TEX11: variants seen among roughly 807,000 people sequenced by gnomAD.
TEX11 encodes testis-expressed protein 11.
In TEX11, 7 loss-of-function variants were observed where a neutral mutation model predicts 84.4. The ratio of observed to expected loss-of-function variants is 0.08; its 90% CI spans 0.05 to 0.16. The LOEUF (loss-of-function observed/expected upper bound fraction) is 0.16, where lower values mean the gene tolerates loss of function less well. Among genes scored for constraint, TEX11 ranks in the 10% least tolerant of loss-of-function variants. The pLI is 1.00. For missense variants in TEX11, 551 were observed against 660.5 expected (o/e 0.83, Z 1.82); for synonymous variants, 264 against 222.8 (o/e 1.18, Z -1.64).
At chrX:70,675,514 T>C (rs1163997784) in intron 15 of TEX11, among the ~76,000 whole-genome samples, 1 of 111,131 alleles carries the variant, frequency 9.0e-6, no homozygotes, top group African/African-American at 3.3e-5. Flanking sequence ...CCCCTCCTCC[T>C]AGCCCCTGGA....
chrX:70,737,634 TCAACAGAAA>T (rs753057508), intron 11 of TEX11, among the ~76,000 whole-genome samples: 2 of 110,124 alleles, frequency 1.8e-5, no homozygotes, highest in African/African-American at 6.6e-5. Flanking sequence ...ACCATATTTC[TCAACAGAAA>T]CAACAGAATG....
At chrX:70,825,370 T>TA (rs1046691377) in intron 8 of TEX11, among the ~76,000 whole-genome samples, 2 of 108,426 alleles carry the variant, frequency 1.8e-5, no homozygotes, top group Non-Finnish European at 3.8e-5. Flanking sequence ...TATTGTTCAA[T>TA]AAAAAACTAC....
chrX:70,890,647 G>A (rs1283282275), intron 2 of TEX11, among the ~76,000 whole-genome samples: 1 of 112,414 alleles, frequency 8.9e-6, no homozygotes. Context: ...CAGCCTAGCA[G>A]GGGGAGGGGG....
rs888221111 is a variant in TEX11 at position 70,650,844 on chromosome X, T to A, written c.1483+606A>T. On this transcript the variant is annotated intron_variant, in intron 17 of 29. Transcript: ENST00000374333. The stretch of plus-strand genomic sequence containing the variant: ...TACCTGAGGGCTGAAGGCATTAATA[T>A]CTGAGCAAAGGCATATCTATAACCA... Among the ~76,000 whole-genome samples the A allele has an allele frequency of 5.7e-4, 64 of 112,202 alleles. 1 individual carries two copies. The highest frequency in any genetic ancestry group is 4.7e-3 in the Middle Eastern group (1 of 215).
At chrX:70,586,210 CA>C (rs1410042361) in intron 25 of TEX11, among the ~76,000 whole-genome samples, 2 of 112,193 alleles carry the variant, frequency 1.8e-5, no homozygotes, top group African/African-American at 6.5e-5. Flanking sequence ...AAGCTAAAAC[CA>C]TAAAACTCTT....
intron 24 of TEX11, among the ~76,000 whole-genome samples, chrX:70,599,294 C>A (rs1826223201): frequency 8.9e-6 from 1 of 112,286 alleles, no homozygotes; most frequent in Non-Finnish European, 1.9e-5. Context: ...TTACCCACTC[C>A]TGCTCTAGGA....
intron 13 of TEX11, among the ~76,000 whole-genome samples, chrX:70,693,589 G>C (rs2090254740): frequency 9.0e-6 from 1 of 111,429 alleles, no homozygotes; most frequent in Non-Finnish European, 1.9e-5. Context: ...GTAGAATGGT[G>C]GTCACCAAGG....
In TEX11 at chrX:70,722,659, G is replaced by A. The variant is rs1414683773; in HGVS notation, c.963C>T (p.Asp321=). The change falls in exon 13 of 30, where the codon GAC becomes GAT. Residue 321 remains aspartate (D), a synonymous_variant. Coordinates refer to ENST00000374333, the MANE Select transcript of TEX11 (RefSeq NM_031276.3). ...GCAGTTTAGCAATGTTCAGACAGAA[G>A]TCTAAGGGCATGTCAAGATGTAGTA... ...MEILHLDMPL[D]FCLNIAKLLM... is the part of the protein sequence containing the mutation. 8.3e-7 allele frequency: 1 copy of A among 1,205,076 alleles called. No individual in the cohort carries two copies.
At chrX:70,845,043 A>G (rs1401669389) in intron 7 of TEX11, among the ~76,000 whole-genome samples, 1 of 112,356 alleles carries the variant, frequency 8.9e-6, no homozygotes, top group Non-Finnish European at 1.9e-5. Flanking sequence ...CTGGCAAAAA[A>G]TACTGTCAAT....
At chrX:70,794,675 A>G (rs1212440280) in intron 9 of TEX11, among the ~76,000 whole-genome samples, 1 of 109,843 alleles carries the variant, frequency 9.1e-6, no homozygotes, top group Non-Finnish European at 1.9e-5. Flanking sequence ...TGAGACACCC[A>G]TTCCAAGCCC....
intron 9 of TEX11, among the ~76,000 whole-genome samples, chrX:70,758,217 T>C (rs968898272): frequency 1.8e-5 from 2 of 111,522 alleles, no homozygotes; most frequent in African/African-American, 6.5e-5. Context: ...CAGATCAACA[T>C]GACAGAAAGT....
chrX:70,727,756 ATCTC>A (rs1008849994), intron 11 of TEX11, among the ~76,000 whole-genome samples: 6 of 107,949 alleles, frequency 5.6e-5, no homozygotes, highest in African/African-American at 1.7e-4. Context: ...ATGAGAGATG[ATCTC>A]TCTCTCTCTC....
At chrX:70,593,600 A>G (rs942509726) in intron 24 of TEX11, among the ~76,000 whole-genome samples, 7 of 112,269 alleles carry the variant, frequency 6.2e-5, no homozygotes, top group Admixed American at 2.8e-4. Context: ...TATTTTAAAT[A>G]TATTCAAATA....
intron 26 of TEX11, among the ~76,000 whole-genome samples, chrX:70,553,827 T>A (rs1278661797): frequency 8.9e-6 from 1 of 111,799 alleles, no homozygotes; most frequent in Non-Finnish European, 1.9e-5. Context: ...ATACTAAAAA[T>A]AGGAAACACT....
At chrX:70,671,569 A>G (rs1383404226) in intron 15 of TEX11, among the ~76,000 whole-genome samples, 1 of 110,393 alleles carries the variant, frequency 9.1e-6, no homozygotes, top group Non-Finnish European at 1.9e-5. Flanking sequence ...AAGAATCAAT[A>G]GAAGAATGGG....
intron 9 of TEX11, among the ~76,000 whole-genome samples, chrX:70,794,028 A>G (rs2091140657): frequency 8.9e-6 from 1 of 112,210 alleles, no homozygotes; most frequent in Non-Finnish European, 1.9e-5. Flanking sequence ...GCACAAAAAA[A>G]GCAATTTTGT....
chrX:70,749,260 T>C (rs1314688065), intron 9 of TEX11, among the ~76,000 whole-genome samples: 3 of 106,660 alleles, frequency 2.8e-5, no homozygotes, highest in East Asian at 3.0e-4. Flanking sequence ...GTGATTTTTG[T>C]ACATTGATTT....
chrX:70,744,498 A>T (rs913593959), intron 9 of TEX11, among the ~76,000 whole-genome samples: 1 of 108,654 alleles, frequency 9.2e-6, no homozygotes, highest in African/African-American at 3.3e-5. Flanking sequence ...TATATATAGC[A>T]TTGAATATAT....
chrX:70,620,172 T>C (rs2089367919), intron 20 of TEX11, among the ~76,000 whole-genome samples: 1 of 110,849 alleles, frequency 9.0e-6, no homozygotes, highest in African/African-American at 3.3e-5. Flanking sequence ...ATATTTGGGA[T>C]CTGTGGTCAA....
Sources: allele counts gnomAD v4.1 joint callset (sites outside exome capture counted in the v4.1 genomes callset), GRCh38; gene constraint gnomAD v4.1.1; transcripts MANE v1.5; gene names NCBI Gene and HGNC (gene_info 2026-07-23, HGNC 2026-07-21).